The following SLC15A5 variants were observed in gnomAD, a reference collection of about 807,000 sequenced individuals.
SLC15A5 encodes the protein Peptide/histidine transporter ENSP00000340402.
SLC15A5 carries 58 observed loss-of-function variants against 56.1 expected under a neutral mutation model. The observed-to-expected ratio is 1.03, with a 90% confidence interval of 0.84 to 1.29. SLC15A5 has a LOEUF of 1.29. Ranked by LOEUF, SLC15A5 falls within the 50% of genes most tolerant of loss-of-function variation. SLC15A5 has a pLI of 0.00. For synonymous variants in SLC15A5, 264 were observed against 250.5 expected (o/e 1.05, Z -0.51); for missense variants, 681 against 672.1 (o/e 1.01, Z -0.15).
Position 16,244,650 on chromosome 12 carries a change from T to C in SLC15A5, c.905A>G (p.Asp302Gly). ...GAGAAGGGTGAGGAAAAATGTTGTG[T>C]CTTCTACATGGAGCTCACTGTAGCA... Reference protein sequence around the residue: ...GGCYSELHVEDTTFFLTLLPL... With the variant: ...GGCYSELHVEGTTFFLTLLPL... Residue 302 changes from aspartate (D) to glycine (G), a missense_variant, in exon 4 of 9, where the codon GAC becomes GGC. By Grantham distance (94) the Asp-to-Gly change is moderately conservative. Transcript: ENST00000344941. 1 of 1,537,664 alleles carries C rather than the reference T, an allele frequency of 6.5e-7. No individual in the cohort carries two copies. The highest frequency in any genetic ancestry group is 1.4e-5 in the African/African-American group (1 of 73,152).
At chr12:16,219,088 G>A (rs1287484067) in intron 6 of SLC15A5, among the ~76,000 whole-genome samples, 1 of 152,122 alleles carries the variant, frequency 6.6e-6, no homozygotes, top group Non-Finnish European at 1.5e-5. Context: ...TGAGAGGTGG[G>A]AAAAGGCATC....
At position 16,189,743 on chromosome 12, in the gene SLC15A5, G is replaced by A. The variant is rs1465837414; in HGVS notation, c.1665C>T (p.His555=). The A allele has an allele frequency of 2.1e-5, 32 of 1,529,778 alleles. No individual in the cohort carries two copies. Among genetic ancestry groups the A allele is most frequent in the Middle Eastern group, 1.7e-4 (1 of 5,976 alleles). The allele number at this position is 1,529,778 out of a possible 1,614,324, so 94.8% of individuals were successfully genotyped here. Residue 555 remains histidine, a synonymous_variant, in exon 9 of 9, where the codon CAC becomes CAT. Transcript: ENST00000344941. Reference sequence around the variant, plus strand: ...TGCCATAAAATTTCAGAGATTTTTCGTGGAGGAGAAGTGTTTCTTCAAGAT... The same window carrying A: ...TGCCATAAAATTTCAGAGATTTTTCATGGAGGAGAAGTGTTTCTTCAAGAT... The part of the protein sequence containing the change: ...GSNLEETLLL[H]EKSLKFYGSI...
chr12:16,254,600 G>A (rs560121893), intron 3 of SLC15A5, among the ~76,000 whole-genome samples: 1 of 152,010 alleles, frequency 6.6e-6, no homozygotes, highest in Non-Finnish European at 1.5e-5. Flanking sequence ...ATTTGTTGTT[G>A]GATGCCTAGA....
chr12:16,231,362 G>A, intron 5 of SLC15A5, among the ~76,000 whole-genome samples: 1 of 152,058 alleles, frequency 6.6e-6, no homozygotes, highest in Non-Finnish European at 1.5e-5. Flanking sequence ...AGAAAACAAT[G>A]GTGGACAAAA....
chr12:16,263,946 T>C (rs1047414706), intron 2 of SLC15A5, among the ~76,000 whole-genome samples: 2 of 152,220 alleles, frequency 1.3e-5, no homozygotes, highest in Non-Finnish European at 2.9e-5. Context: ...CAGAGCCCTC[T>C]TGGACAACCT....
At position 16,269,488 on chromosome 12, in the gene SLC15A5, A is replaced by G. The variant is rs997826873; in HGVS notation, c.584+3073T>C. ...TAATATGCACCTAGGATTGACAATC[A>G]TTGTTCTCAATGTTCTTGTGAATAT... On this transcript the variant is annotated intron_variant, in intron 2 of 8. Transcript: ENST00000344941. The surrounding 1 kb of genome is among the most constrained non-coding windows in gnomAD (Gnocchi z 4.7). Among the ~76,000 whole-genome samples, 4 of 152,154 alleles carry G rather than the reference A, an allele frequency of 2.6e-5. No individual in the cohort carries two copies. Among genetic ancestry groups the G allele is most frequent in the Admixed American group, 2.0e-4 (3 of 15,274 alleles).
At chr12:16,257,555 G>C (rs1864589087) in intron 3 of SLC15A5, 146 bp downstream of exon 3, 1 of 541,750 alleles carries the variant, frequency 1.8e-6, no homozygotes, top group African/African-American at 2.0e-5. Flanking sequence ...AAATATTCTT[G>C]CAGACCATTG....
intron 7 of SLC15A5, among the ~76,000 whole-genome samples, chr12:16,203,808 G>C (rs901784945): frequency 2.0e-5 from 3 of 151,988 alleles, no homozygotes; most frequent in African/African-American, 4.8e-5. Context: ...AAAGTAAAAG[G>C]GTCAACTGAA....
intron 2 of SLC15A5, among the ~76,000 whole-genome samples, chr12:16,266,368 T>C (rs935749149): frequency 3.3e-5 from 5 of 152,230 alleles, no homozygotes; most frequent in Non-Finnish European, 7.3e-5. Flanking sequence ...CACATGGTGA[T>C]GTAAACTGCA....
chr12:16,217,842 C>T (rs1864145360), intron 6 of SLC15A5, among the ~76,000 whole-genome samples: 1 of 151,956 alleles, frequency 6.6e-6, no homozygotes, highest in Non-Finnish European at 1.5e-5. Flanking sequence ...GTTATCTTTC[C>T]TTCCCAAGTC....
intron 3 of SLC15A5, among the ~76,000 whole-genome samples, chr12:16,251,896 G>T (rs1279622487): frequency 1.3e-5 from 2 of 151,894 alleles, no homozygotes; most frequent in East Asian, 3.8e-4. Flanking sequence ...GATGAATATT[G>T]ATATAAAATA....
chr12:16,189,883 C>G lies in SLC15A5; in HGVS notation c.1593-68G>C, dbSNP rs1403788398. The G allele has an allele frequency of 2.5e-6, 3 of 1,216,322 alleles. No homozygotes were observed. The African/African-American group carries it at 4.6e-5, about 19-fold the overall frequency. The allele number at this position is 1,216,322 out of a possible 1,614,324, so 75.3% of individuals were successfully genotyped here. ...GATGAATTGATAAATCATTTGCTTCCCTCCTGCGCTTGTCTACCTTTTATG... is the reference window on the plus strand; with the variant it reads ...GATGAATTGATAAATCATTTGCTTCGCTCCTGCGCTTGTCTACCTTTTATG... On this transcript the variant is annotated intron_variant, in intron 8 of 8. Transcript: ENST00000344941.
chr12:16,252,429 G>C (rs899229685), intron 3 of SLC15A5, among the ~76,000 whole-genome samples: 17 of 151,954 alleles, frequency 1.1e-4, no homozygotes, highest in African/African-American at 3.6e-4. Flanking sequence ...CGACACAAAA[G>C]TCATTAGAAT....
chr12:16,246,720 T>C (rs1864465125), intron 3 of SLC15A5, among the ~76,000 whole-genome samples: 1 of 152,178 alleles, frequency 6.6e-6, no homozygotes, highest in African/African-American at 2.4e-5. Context: ...AAATATAATA[T>C]ATTTTAAACT....
At chr12:16,251,190 G>A (rs76639291) in intron 3 of SLC15A5, among the ~76,000 whole-genome samples, 1 of 151,902 alleles carries the variant, frequency 6.6e-6, no homozygotes, top group East Asian at 1.9e-4. Context: ...AGCAAGAGTG[G>A]TAAATACTAA....
rs945488050 is a variant in SLC15A5 at position 16,189,588 on chromosome 12, A to T, written c.*80T>A. On this transcript the variant is annotated 3_prime_UTR_variant, in exon 9 of 9. Transcript: ENST00000344941. ...CACCTCTGTATATATTGGCTTTTAC[A>T]CTAAAACACATAAAATGCTCAACTG... The T allele has an allele frequency of 5.3e-5, 68 of 1,271,548 alleles. No homozygotes were observed. In the South Asian group the frequency reaches 1.6e-3, roughly 29 times the overall value. The allele number at this position is 1,271,548 out of a possible 1,614,324, so 78.8% of individuals were successfully genotyped here.
intron 7 of SLC15A5, among the ~76,000 whole-genome samples, chr12:16,215,599 C>T (rs1199562141): frequency 6.6e-6 from 1 of 151,918 alleles, no homozygotes; most frequent in African/African-American, 2.4e-5. Context: ...AACTTGCTGC[C>T]GTTCACACAG....
rs746921679 is a variant in SLC15A5, at chr12:16,239,728, C to A, written c.1115G>T (p.Cys372Phe). The part of the protein sequence containing the change: ...LAPFLEYFST[C>F]LFPSKRVGSF... ...TCCAACTCTCTTAGAGGGAAACAGG[C>A]AGGTGCTGAAATACTCCAGAAAAGG... Residue 372 changes from cysteine to phenylalanine, a missense_variant, in exon 5 of 9, where the codon TGC becomes TTC. By Grantham distance (205) the Cys-to-Phe change is radical. Transcript: ENST00000344941. 6.5e-7 allele frequency: 1 copy of A among 1,537,322 alleles called. No homozygotes were observed.
rs1307720840 is a variant in SLC15A5, at chr12:16,237,821, A to G, written c.1162+1860T>C. Among the ~76,000 whole-genome samples, 1 of 152,154 alleles carries G rather than the reference A, an allele frequency of 6.6e-6. No homozygotes were observed. The highest frequency in any genetic ancestry group is 1.5e-5 in the Non-Finnish European group (1 of 68,018). On this transcript the variant is annotated intron_variant, in intron 5 of 8. Transcript: ENST00000344941. The surrounding 1 kb of genome is among the most constrained non-coding windows in gnomAD (Gnocchi z 4.1). Reference sequence around the variant, plus strand: ...ACTGCTGAGATTTTTGGCATTTCACAATATGATTTTACTCCTATTTTGTCC... The same window carrying G: ...ACTGCTGAGATTTTTGGCATTTCACGATATGATTTTACTCCTATTTTGTCC...
Sources: gnomAD v4.1 joint callset for allele counts (sites outside exome capture counted in the v4.1 genomes callset) on GRCh38, gnomAD v4.1.1 for gene constraint, Gnocchi (gnomAD v3.1) non-coding constraint, MANE v1.5 for transcripts, NCBI Gene and HGNC (gene_info 2026-07-23, HGNC 2026-07-21) for gene names.